Variants in DNAJC1 observed in about 807,000 individuals in gnomAD.
DNAJC1 encodes the protein dnaJ homolog subfamily C member 1.
A neutral mutation model predicts 76.6 loss-of-function variants in DNAJC1; 58 were observed. The observed-to-expected ratio is 0.76, with a 90% CI of 0.61 to 0.94. The LOEUF (loss-of-function observed/expected upper bound fraction) is 0.94, where lower values mean the gene tolerates loss of function less well. DNAJC1 is among the 40% of genes least tolerant of loss of function. The pLI is 0.00. For missense variants in DNAJC1, 689 were observed against 677.3 expected (o/e 1.02, Z -0.19); for synonymous variants, 258 against 267.9 (o/e 0.96, Z 0.36).
At chr10:21,814,174 C>T (rs546179499) in intron 8 of DNAJC1, among the ~76,000 whole-genome samples, 10 of 152,248 alleles carry the variant, frequency 6.6e-5, no homozygotes, top group African/African-American at 1.9e-4. Context: ...GTCGGTTGGG[C>T]AGCAAATGTC....
chr10:21,897,595 G>A (rs1457743324), intron 7 of DNAJC1, among the ~76,000 whole-genome samples: 1 of 152,126 alleles, frequency 6.6e-6, no homozygotes, highest in African/African-American at 2.4e-5. Flanking sequence ...GATTCTCAAG[G>A]ATCTAAGTTG....
intron 8 of DNAJC1, among the ~76,000 whole-genome samples, chr10:21,842,575 T>C (rs777386946): frequency 1.3e-5 from 2 of 152,266 alleles, no homozygotes; most frequent in East Asian, 3.8e-4. Context: ...CGCCATCTTA[T>C]GGCAAGGTCC....
At chr10:21,853,934 C>T (rs1245784663) in intron 8 of DNAJC1, among the ~76,000 whole-genome samples, 1 of 151,436 alleles carries the variant, frequency 6.6e-6, no homozygotes, top group African/African-American at 2.4e-5. Context: ...TGGGAAGATA[C>T]TCCCAGAAGT....
At chr10:21,967,038 C>G (rs1837905019) in intron 1 of DNAJC1, among the ~76,000 whole-genome samples, 1 of 135,718 alleles carries the variant, frequency 7.4e-6, no homozygotes, top group African/African-American at 2.8e-5. Flanking sequence ...TTTACAGTAT[C>G]TCTCAAAATT....
intron 8 of DNAJC1, among the ~76,000 whole-genome samples, chr10:21,809,533 AATAAT>A (rs1259960259): frequency 5.9e-5 from 9 of 151,388 alleles, no homozygotes; most frequent in Admixed American, 4.0e-4. Context: ...TATTATACAT[AATAAT>A]ATAACATATT....
chr10:21,786,076 G>A (rs1168027550), intron 9 of DNAJC1, among the ~76,000 whole-genome samples: 2 of 152,112 alleles, frequency 1.3e-5, no homozygotes, highest in East Asian at 3.9e-4. Context: ...ATAGTACAAA[G>A]GGGACACACT....
intron 3 of DNAJC1, among the ~76,000 whole-genome samples, chr10:21,925,345 T>C (rs1385304192): frequency 2.6e-5 from 4 of 152,114 alleles, no homozygotes; most frequent in Admixed American, 1.3e-4. Context: ...TTGAGTCAAA[T>C]GCCATTATGC....
intron 1 of DNAJC1, among the ~76,000 whole-genome samples, chr10:21,966,468 G>T (rs1837891160): frequency 2.1e-5 from 3 of 146,026 alleles, no homozygotes; most frequent in African/African-American, 2.5e-5. Context: ...CTTAACCTTT[G>T]TTAACTGGGA....
intron 1 of DNAJC1, among the ~76,000 whole-genome samples, chr10:21,945,262 G>T (rs1393859638): frequency 6.6e-6 from 1 of 152,162 alleles, no homozygotes; most frequent in Non-Finnish European, 1.5e-5. Context: ...GGAATCCTGG[G>T]AACAGCTGTT....
At chr10:21,790,643 T>C (rs1834673055) in intron 9 of DNAJC1, among the ~76,000 whole-genome samples, 1 of 151,970 alleles carries the variant, frequency 6.6e-6, no homozygotes. Flanking sequence ...CAAGAAATGC[T>C]CAAGGAAGTC....
chr10:21,888,745 G>T (rs1207107784), intron 7 of DNAJC1, among the ~76,000 whole-genome samples: 1 of 152,116 alleles, frequency 6.6e-6, no homozygotes, highest in Admixed American at 6.6e-5. Context: ...TGAGCACAAA[G>T]AAGGAAACAA....
At chr10:21,908,193 T>TA (rs1836786667) in intron 6 of DNAJC1, among the ~76,000 whole-genome samples, 1 of 101,348 alleles carries the variant, frequency 9.9e-6, no homozygotes, top group African/African-American at 4.1e-5. Context: ...TAAAAATATA[T>TA]ATTATATATA....
intron 8 of DNAJC1, among the ~76,000 whole-genome samples, chr10:21,836,884 G>GCTCCCT (rs952483061): frequency 2.6e-5 from 4 of 152,192 alleles, no homozygotes; most frequent in South Asian, 4.2e-4. Context: ...TAATGGGAGA[G>GCTCCCT]CTCCCTCTCC....
At position 21,794,299 on chromosome 10, in the gene DNAJC1, A is replaced by G. The variant is rs1055932363; in HGVS notation, c.1098+11681T>C. 1.3e-3 allele frequency among the ~76,000 whole-genome samples: 194 copies of G among 151,138 alleles called. 1 individual carries two copies. Among genetic ancestry groups the G allele is most frequent in the African/African-American group, 4.4e-3 (182 of 41,170 alleles). On this transcript the variant is annotated intron_variant, in intron 9 of 11. Transcript: ENST00000376980. ...AAAAAAAAAAAAGAGAGAGAGAGAG[A>G]GAAAAGAAAATGGTTCTTCTCTATA...
At chr10:21,929,550 C>T (rs1837187098) in intron 1 of DNAJC1, among the ~76,000 whole-genome samples, 1 of 152,106 alleles carries the variant, frequency 6.6e-6, no homozygotes, top group African/African-American at 2.4e-5. Flanking sequence ...TTCTGAATCC[C>T]GGGCTAACCA....
At chr10:21,833,546 T>C (rs1199577930) in intron 8 of DNAJC1, among the ~76,000 whole-genome samples, 1 of 152,242 alleles carries the variant, frequency 6.6e-6, no homozygotes, top group Non-Finnish European at 1.5e-5. Context: ...GAATCACGGC[T>C]ATGTCATGTA....
intron 8 of DNAJC1, among the ~76,000 whole-genome samples, chr10:21,858,077 A>C (rs1434046844): frequency 6.6e-6 from 1 of 152,238 alleles, no homozygotes; most frequent in Non-Finnish European, 1.5e-5. Flanking sequence ...TTATAATTTA[A>C]AATTCAGAGA....
chr10:21,833,805 GGC>G (rs1835401552), intron 8 of DNAJC1, among the ~76,000 whole-genome samples: 1 of 152,032 alleles, frequency 6.6e-6, no homozygotes, highest in African/African-American at 2.4e-5. Flanking sequence ...GCAGATAGAT[GGC>G]AACTGTTTTT....
chr10:21,775,203 TAG>T (rs752268137), intron 9 of DNAJC1, among the ~76,000 whole-genome samples: 4 of 152,164 alleles, frequency 2.6e-5, no homozygotes, highest in Non-Finnish European at 4.4e-5. Context: ...ACAGGTTCGT[TAG>T]ATAGCAGCAA....
Sources: allele counts gnomAD v4.1 joint callset (sites outside exome capture counted in the v4.1 genomes callset), GRCh38; gene constraint gnomAD v4.1.1; transcripts MANE v1.5; gene names NCBI Gene and HGNC (gene_info 2026-07-23, HGNC 2026-07-21).